Variants in BTBD3 observed in about 807,000 individuals in gnomAD.
BTBD3 encodes the protein BTB domain containing 3, also known as BTB/POZ domain-containing protein 3.
Under a neutral mutation model 41.6 loss-of-function variants are expected in BTBD3, and 14 were observed. That is an observed-to-expected ratio of 0.34 (90% CI 0.22 to 0.53). The LOEUF is 0.53. Ranked by LOEUF, BTBD3 falls within the 20% of genes least tolerant of loss-of-function variation. The probability of loss-of-function intolerance (pLI) is 0.95; values close to 1 mark genes in which losing one functional copy is unlikely to be tolerated. For synonymous variants in BTBD3, 249 were observed against 233.7 expected (o/e 1.07, Z -0.60); for missense variants, 426 against 654.7 (o/e 0.65, Z 3.81).
At chr20:11,905,624 A>G (rs2056848718) in intron 1 of BTBD3, among the ~76,000 whole-genome samples, 1 of 152,224 alleles carries the variant, frequency 6.6e-6, no homozygotes, top group East Asian at 1.9e-4. Flanking sequence ...GACTGCGGAA[A>G]AGTAAGGTGA....
intron 1 of BTBD3, among the ~76,000 whole-genome samples, chr20:11,891,735 G>T (rs920837189): frequency 6.6e-6 from 1 of 152,204 alleles, no homozygotes; most frequent in African/African-American, 2.4e-5. Context: ...GCCTGCTGGG[G>T]ATCCCTATTT....
chr20:11,899,725 A>G (rs2056812464), intron 1 of BTBD3, among the ~76,000 whole-genome samples: 2 of 152,180 alleles, frequency 1.3e-5, no homozygotes, highest in Admixed American at 1.3e-4. Context: ...AAATCCAAGA[A>G]TATCTCAAAA....
intron 1 of BTBD3, chr20:11,909,679 A>G (rs1264236640): frequency 6.6e-6 from 1 of 152,214 alleles, no homozygotes; most frequent in Non-Finnish European, 1.5e-5. Context: ...GCATTTCATT[A>G]AATAGTAATT....
In BTBD3 at chr20:11,923,465, A is replaced by G. The variant is rs762624031; in HGVS notation, c.1368A>G (p.Glu456=). 2.3e-5 allele frequency: 37 copies of G among 1,614,062 alleles called. No homozygotes were observed. Among genetic ancestry groups the G allele is most frequent in the Non-Finnish European group, 2.8e-5 (33 of 1,180,038 alleles). ...GCAATACCTTTCCCGTATGGTTTGA[A>G]TACCCAGTGCAGATCGAGCCAGACA... The part of the protein sequence containing the change: ...GSSNTFPVWF[E]YPVQIEPDTF... Residue 456 remains glutamate (E), a synonymous_variant, in exon 4 of 4, where the codon GAA becomes GAG. Coordinates refer to ENST00000378226, the MANE Select transcript of BTBD3 (RefSeq NM_014962.4). This position sits in a 1 kb window ranked among gnomAD's most constrained non-coding sequence, Gnocchi z 5.3.
rs902142184 is a variant in BTBD3 at position 11,925,450 on chromosome 20, A to G, written c.*1784A>G. 3.3e-5 allele frequency: 5 copies of G among 152,478 alleles called. No individual in the cohort carries two copies. Among genetic ancestry groups the G allele is most frequent in the African/African-American group, 1.2e-4 (5 of 41,362 alleles). 9.4% of individuals were successfully genotyped at this position (152,478 alleles called of 1,614,324 possible). A position where few individuals can be genotyped will look rare whatever the true frequency, so the allele number is the denominator to read the frequency against. On this transcript the variant is annotated 3_prime_UTR_variant, in exon 4 of 4. Transcript: ENST00000378226. ...CTGGATTATTGGAAATGTTTTAATC[A>G]CTCTTGCCATTACCTACATCTATTA...
rs2056997135 is a variant in BTBD3 at position 11,924,085 on chromosome 20, C to T, written c.*419C>T. On this transcript the variant is annotated 3_prime_UTR_variant, in exon 4 of 4. Coordinates refer to ENST00000378226, the MANE Select transcript of BTBD3 (RefSeq NM_014962.4). ...ACAGAACTCCTCTTACCCCCCAAAA[C>T]AGATAAACCTCAGTGTACAATTTTG... is the stretch of plus-strand genomic sequence containing the variant. 6.3e-6 allele frequency: 1 copy of T among 159,088 alleles called. No homozygotes were observed. The highest frequency in any genetic ancestry group is 2.4e-5 in the African/African-American group (1 of 41,606). The allele number at this position is 159,088 out of a possible 1,614,324, so 9.9% of individuals were successfully genotyped here. A position where few individuals can be genotyped will look rare whatever the true frequency, so the allele number is the denominator to read the frequency against.
At position 11,926,591 on chromosome 20, in the gene BTBD3, A is replaced by T. The variant is rs2057021422; in HGVS notation, c.*2925A>T. ...TGTTAAATGCAAATAAAACTAGTTC[A>T]TAGATTTGTTTTCCTTTAGTGCTTT... On this transcript the variant is annotated 3_prime_UTR_variant, in exon 4 of 4. Transcript: ENST00000378226. 6.5e-6 allele frequency: 1 copy of T among 152,796 alleles called. No homozygotes were observed. Among genetic ancestry groups the T allele is most frequent in the South Asian group, 2.1e-4 (1 of 4,828 alleles). The allele number at this position is 152,796 out of a possible 1,614,324, so 9.5% of individuals were successfully genotyped here. A position where few individuals can be genotyped will look rare whatever the true frequency, so the allele number is the denominator to read the frequency against.
chr20:11,923,723 C>A lies in BTBD3; in HGVS notation c.*57C>A. ...AAGTGCACATCTGGTTCCAACTTGCCTGATGCTTAGCTCATCTGCAAATAT... is the reference window on the plus strand; with the variant it reads ...AAGTGCACATCTGGTTCCAACTTGCATGATGCTTAGCTCATCTGCAAATAT... On this transcript the variant is annotated 3_prime_UTR_variant, in exon 4 of 4. Transcript: ENST00000378226. The surrounding 1 kb of genome is among the most constrained non-coding windows in gnomAD (Gnocchi z 5.3). 6.7e-7 allele frequency: 1 copy of A among 1,487,618 alleles called. No individual in the cohort carries two copies. Among genetic ancestry groups the A allele is most frequent in the Non-Finnish European group, 9.1e-7 (1 of 1,099,046 alleles). 92.2% of individuals were successfully genotyped at this position (1,487,618 alleles called of 1,614,324 possible).
At chr20:11,910,252 A>T (rs1381179554) in intron 1 of BTBD3, 2 of 152,182 alleles carry the variant, frequency 1.3e-5, no homozygotes, top group African/African-American at 4.8e-5. Context: ...AACTAATACT[A>T]GCCAAAGTAA....
chr20:11,919,551 T>G, intron 2 of BTBD3, 167 bp from the exon 3 acceptor site: 1 of 1,131,888 alleles, frequency 8.8e-7, no homozygotes. Context: ...CAGCATGGTC[T>G]TATGCTTCCA....
chr20:11,896,457 G>A (rs376153899), intron 1 of BTBD3, among the ~76,000 whole-genome samples: 26 of 152,202 alleles, frequency 1.7e-4, no homozygotes, highest in African/African-American at 6.3e-4. Context: ...TTTTATTTTG[G>A]TTCTGTGGCG....
chr20:11,893,952 T>G (rs2056771350), intron 1 of BTBD3, among the ~76,000 whole-genome samples: 1 of 152,260 alleles, frequency 6.6e-6, no homozygotes, highest in Non-Finnish European at 1.5e-5. Flanking sequence ...AAAATAAGAT[T>G]TTTAATGATG....
chr20:11,915,034 A>C (rs556449452), upstream of BTBD3, among the ~76,000 whole-genome samples: 2 of 152,318 alleles, frequency 1.3e-5, no homozygotes, highest in Non-Finnish European at 2.9e-5. Context: ...TCTCTATTTT[A>C]AGTGGCCCAG....
Position 11,919,840 on chromosome 20 carries a change from A to T in BTBD3, c.536+4A>T. On this transcript the variant is annotated splice_donor_region_variant and intron_variant, in intron 3 of 3. Transcript: ENST00000378226. ...CTGCTTTTCTCGCTATGCTGAAGTA[A>T]GCATCATTCGTGTGTTTGGAAAGAG... is the stretch of plus-strand genomic sequence containing the variant. The T allele has an allele frequency of 6.2e-7, 1 of 1,611,074 alleles. No homozygotes were observed. Among genetic ancestry groups the T allele is most frequent in the Non-Finnish European group, 8.5e-7 (1 of 1,177,204 alleles).
chr20:11,894,794 C>T (rs2056776841), intron 1 of BTBD3, among the ~76,000 whole-genome samples: 2 of 152,032 alleles, frequency 1.3e-5, no homozygotes, highest in Admixed American at 1.3e-4. Context: ...CAGAAAGACC[C>T]TGCAAATGGC....
chr20:11,916,573 A>G (rs750956588), upstream of BTBD3, among the ~76,000 whole-genome samples: 10 of 152,212 alleles, frequency 6.6e-5, no homozygotes, highest in Non-Finnish European at 1.5e-4. Flanking sequence ...AACAATAAAG[A>G]GGATATTTCT....
rs2056778332 is a variant in BTBD3 at position 11,895,054 on chromosome 20, C to CT, written c.-126+4102dup. Among the ~76,000 whole-genome samples, 3 of 152,068 alleles carry CT rather than the reference C, an allele frequency of 2.0e-5. No individual in the cohort carries two copies. In the South Asian group the frequency reaches 6.2e-4, roughly 32 times the overall value. ...CGCTCCTATACCGCCGCTGCCTCCT[C>CT]TTCCTTTTCCCTAGTTAGCGAGTTC... On this transcript the variant is annotated intron_variant, in intron 1 of 4. Transcript: ENST00000254977.
At chr20:11,904,784 T>G (rs992803375) in intron 1 of BTBD3, among the ~76,000 whole-genome samples, 2 of 152,252 alleles carry the variant, frequency 1.3e-5, no homozygotes, top group African/African-American at 4.8e-5. Flanking sequence ...TGTGGATATT[T>G]GATACCTCAC....
At chr20:11,917,883 C>G (rs144861560), upstream of BTBD3, 1 of 1,000,700 alleles carries the variant, frequency 1.0e-6, no homozygotes, top group Non-Finnish European at 1.2e-6. Flanking sequence ...TACTCTCCTC[C>G]GATCCATTCA....
Sources: gnomAD v4.1 joint callset for allele counts (sites outside exome capture counted in the v4.1 genomes callset) on GRCh38, gnomAD v4.1.1 for gene constraint, Gnocchi (gnomAD v3.1) non-coding constraint, MANE v1.5 for transcripts, NCBI Gene and HGNC (gene_info 2026-07-23, HGNC 2026-07-21) for gene names.